GRIN2B: variants seen among roughly 807,000 people sequenced by gnomAD.
The protein encoded by GRIN2B is glutamate receptor ionotropic, NMDA 2B.
Under a neutral mutation model 114.5 loss-of-function variants are expected in GRIN2B, and 5 were observed. The observed-to-expected ratio is 0.04, with a 90% confidence interval of 0.02 to 0.09. The LOEUF is 0.09. Among genes scored for constraint, GRIN2B ranks in the 10% least tolerant of loss-of-function variants. The pLI is 1.00. For synonymous variants in GRIN2B, 787 were observed against 745.1 expected, an observed-to-expected ratio of 1.06 and a Z score of -0.92; for missense variants, 1,108 against 1,943.5, an observed-to-expected ratio of 0.57 and a Z score of 8.08.
At chr12:13,942,014 T>G (rs1215544369) in intron 2 of GRIN2B, among the ~76,000 whole-genome samples, 1 of 152,192 alleles carries the variant, frequency 6.6e-6, no homozygotes, top group Non-Finnish European at 1.5e-5. Context: ...GTGTGCCCCA[T>G]AGCAGTTAAT....
chr12:13,942,065 C>T (rs1393882933), intron 2 of GRIN2B, among the ~76,000 whole-genome samples: 2 of 152,178 alleles, frequency 1.3e-5, no homozygotes, highest in African/African-American at 4.8e-5. Context: ...AAAAGGTCTG[C>T]TTTTACCGTC....
intron 3 of GRIN2B, among the ~76,000 whole-genome samples, chr12:13,789,020 C>G (rs555707539): frequency 6.6e-6 from 1 of 152,208 alleles, no homozygotes; most frequent in Non-Finnish European, 1.5e-5. Context: ...CAAGTCAGCT[C>G]TAGCTAAACC....
rs1948446202 is a variant in GRIN2B, at chr12:13,553,810, A to G, written c.*8973T>C. On this transcript the variant is annotated 3_prime_UTR_variant, in exon 14 of 14. Transcript: ENST00000609686. ...AAAAGCTGATACCTAAAATTTGATC[A>G]ATATCCTTCATAGTTTCTCCCTCTG... 6.6e-6 allele frequency: 1 copy of G among 152,200 alleles called. No individual in the cohort carries two copies. 9.4% of individuals were successfully genotyped at this position (152,200 alleles called of 1,614,324 possible). A position where few individuals can be genotyped will look rare whatever the true frequency, so the allele number is the denominator to read the frequency against.
chr12:13,719,913 C>T (rs888896409), intron 4 of GRIN2B, among the ~76,000 whole-genome samples: 2 of 152,038 alleles, frequency 1.3e-5, no homozygotes, highest in African/African-American at 2.4e-5. Context: ...AACAGTACTG[C>T]ATGATTGTGA....
chr12:13,705,513 T>TTGTATATGTGTTG (rs556260779), intron 4 of GRIN2B, among the ~76,000 whole-genome samples: 107 of 152,264 alleles, frequency 7.0e-4, no homozygotes, highest in Non-Finnish European at 1.0e-3. Flanking sequence ...CAAAATGTGT[T>TTGTATATGTGTTG]TGTATACCAC....
chr12:13,724,137 G>A (rs1313117080), intron 4 of GRIN2B, among the ~76,000 whole-genome samples: 1 of 152,140 alleles, frequency 6.6e-6, no homozygotes, highest in Non-Finnish European at 1.5e-5. Flanking sequence ...CACATCTGAA[G>A]CAGGTGCCTC....
chr12:13,978,795 G>T (rs1465209935), intron 2 of GRIN2B, among the ~76,000 whole-genome samples: 2 of 152,194 alleles, frequency 1.3e-5, no homozygotes, highest in Non-Finnish European at 2.9e-5. Flanking sequence ...ACCCATGAAT[G>T]ATCTGATTCT....
chr12:13,884,519 T>G (rs532634298), intron 2 of GRIN2B, among the ~76,000 whole-genome samples: 41 of 152,248 alleles, frequency 2.7e-4, no homozygotes, highest in African/African-American at 9.4e-4. Flanking sequence ...TGTGTGTGTA[T>G]TTTTTGCTGC....
intron 3 of GRIN2B, among the ~76,000 whole-genome samples, chr12:13,856,871 C>G (rs978249047): frequency 2.0e-5 from 3 of 152,174 alleles, no homozygotes; most frequent in Non-Finnish European, 4.4e-5. Context: ...ATCATTCACT[C>G]TACCTCCAGG....
intron 3 of GRIN2B, among the ~76,000 whole-genome samples, chr12:13,793,014 G>A (rs1864345973): frequency 6.6e-6 from 1 of 152,212 alleles, no homozygotes; most frequent in Admixed American, 6.5e-5. Context: ...AAGTGGTGCA[G>A]CCTGGGGAAG....
At position 13,573,247 on chromosome 12, in the gene GRIN2B, C is replaced by G. The variant is rs557502158; in HGVS notation, c.2011-1283G>C. On this transcript the variant is annotated intron_variant, in intron 10 of 13. Transcript: ENST00000609686. ...CGGGCGGATCACGAGGTCAGGAGAT[C>G]GAGACCATCCTGGCTAACATGGTGA... is the stretch of plus-strand genomic sequence containing the variant. 1.9e-3 allele frequency among the ~76,000 whole-genome samples: 276 copies of G among 149,162 alleles called. 23 individuals are homozygous for G. The highest frequency in any genetic ancestry group is 6.1e-3 in the African/African-American group (243 of 40,068).
At chr12:13,667,010 G>A (rs764381495) in intron 5 of GRIN2B, among the ~76,000 whole-genome samples, 16 of 152,128 alleles carry the variant, frequency 1.1e-4, no homozygotes, top group Non-Finnish European at 2.2e-4. Flanking sequence ...TGAAAGAAGG[G>A]CATTGCTCTC....
rs1377195299 is a variant in GRIN2B, at chr12:13,546,926, A to G, written c.*15857T>C. Reference sequence around the variant, plus strand: ...CAGAGGTGGCTTAATATTCCAGAGCACATCCCTCTCCACTAAGAGCCACTC... The same window carrying G: ...CAGAGGTGGCTTAATATTCCAGAGCGCATCCCTCTCCACTAAGAGCCACTC... On this transcript the variant is annotated 3_prime_UTR_variant, in exon 14 of 14. Transcript: ENST00000609686. 1 of 152,190 alleles carries G rather than the reference A, an allele frequency of 6.6e-6. No individual in the cohort carries two copies. Among genetic ancestry groups the G allele is most frequent in the Non-Finnish European group, 1.5e-5 (1 of 68,044 alleles). 9.4% of individuals were successfully genotyped at this position (152,190 alleles called of 1,614,324 possible).
chr12:13,562,784 C>T lies in GRIN2B; in HGVS notation c.4454G>A (p.Ter1485=), dbSNP rs751758015. 3 of 1,612,960 alleles carry T rather than the reference C, an allele frequency of 1.9e-6. No homozygotes were observed. The South Asian group carries it at 3.3e-5, about 18-fold the overall frequency. The part of the protein sequence containing the change: ...EKLSSIESDV[*] ...ACCTTAACCTCTCTGTTCCCTCACT[C>T]AGACATCAGACTCAATACTAGAAAG... The change falls in exon 14 of 14, where the codon TGA becomes TAA. Residue 1485 remains the stop codon, a stop_retained_variant. Coordinates refer to ENST00000609686, the MANE Select transcript of GRIN2B (RefSeq NM_000834.5).
rs1012586 is a variant in GRIN2B at position 13,702,698 on chromosome 12, G to A, written c.1011-26839C>T. On this transcript the variant is annotated intron_variant, in intron 4 of 13. Transcript: ENST00000609686. ...TCACTTCCAAATACCCCATAAAGACGGACCCCACAAGAGTTAAAGAGTGGC... is the reference window on the plus strand; with the variant it reads ...TCACTTCCAAATACCCCATAAAGACAGACCCCACAAGAGTTAAAGAGTGGC... Among the ~76,000 whole-genome samples, 172 of 151,984 alleles carry A rather than the reference G, an allele frequency of 1.1e-3. 1 individual carries two copies. Among genetic ancestry groups the A allele is most frequent in the African/African-American group, 3.9e-3 (161 of 41,456 alleles).
At chr12:13,875,941 T>G (rs1460398331) in intron 2 of GRIN2B, among the ~76,000 whole-genome samples, 1 of 152,132 alleles carries the variant, frequency 6.6e-6, no homozygotes, top group Non-Finnish European at 1.5e-5. Context: ...AAGCAGCCAT[T>G]AGACTAGTGG....
At chr12:13,729,983 ATT>A (rs5796557) in intron 4 of GRIN2B, among the ~76,000 whole-genome samples, 2,465 of 142,348 alleles carry the variant, frequency 0.017, 55 homozygotes, top group African/African-American at 0.052. Flanking sequence ...ATATACACCT[ATT>A]TTTTTTTTTT....
chr12:13,953,276 C>T (rs1318501660), intron 2 of GRIN2B, among the ~76,000 whole-genome samples: 5 of 152,096 alleles, frequency 3.3e-5, no homozygotes, highest in African/African-American at 1.2e-4. Context: ...TAGAGCCATG[C>T]TCTTCATACT....
intron 2 of GRIN2B, among the ~76,000 whole-genome samples, chr12:13,927,854 C>CTAT (rs1333166077): frequency 1.3e-5 from 2 of 150,000 alleles, no homozygotes; most frequent in African/African-American, 2.5e-5. Context: ...GTAGCCCCAG[C>CTAT]TATTCAGGAG....
Sources: gnomAD v4.1 joint callset for allele counts (sites outside exome capture counted in the v4.1 genomes callset) on GRCh38, gnomAD v4.1.1 for gene constraint, MANE v1.5 for transcripts, NCBI Gene and HGNC (gene_info 2026-07-23, HGNC 2026-07-21) for gene names.